The following MALAT1 variants were observed in gnomAD, a reference collection of about 807,000 sequenced individuals.
The protein encoded by MALAT1 is metastasis associated lung adenocarcinoma transcript 1.
exon 3 of MALAT1, chr11:65,501,935 G>A (rs1022635607): frequency 1.9e-6 from 1 of 517,786 alleles, no homozygotes; most frequent in South Asian, 1.4e-5. Flanking sequence ...TATGATTGCA[G>A]ATAAACTCAT....
At chr11:65,500,630 G>C in exon 3 of MALAT1, 1 of 518,950 alleles carries the variant, frequency 1.9e-6, no homozygotes, top group Non-Finnish European at 3.8e-6. Flanking sequence ...AGGAAGGAGC[G>C]AGTGCAATTT....
chr11:65,501,205 GC>G (rs1854538006), exon 3 of MALAT1: 1 of 501,834 alleles, frequency 2.0e-6, no homozygotes, highest in Non-Finnish European at 3.9e-6. Flanking sequence ...TGTAACTGAG[GC>G]GGGGGGGAGT....
exon 3 of MALAT1, chr11:65,499,171 T>A (rs747122588): frequency 2.0e-6 from 1 of 510,050 alleles, no homozygotes; most frequent in Non-Finnish European, 3.9e-6. Flanking sequence ...ATATAGTCAA[T>A]AGGTTACTAA....
exon 3 of MALAT1, chr11:65,503,294 C>T (rs1854597460): frequency 3.9e-6 from 2 of 518,014 alleles, no homozygotes; most frequent in African/African-American, 1.9e-5. Context: ...TCTCCTGACC[C>T]CTTCCCTAGG....
At chr11:65,501,096 A>T in exon 3 of MALAT1, 1 of 514,738 alleles carries the variant, frequency 1.9e-6, no homozygotes, top group Non-Finnish European at 3.9e-6. Context: ...AGCAGTTTGT[A>T]TGTTTAGTTG....
chr11:65,497,941 T>C (rs1187788959), intron 1 of MALAT1: 13 of 518,846 alleles, frequency 2.5e-5, no homozygotes, highest in Non-Finnish European at 5.0e-5. Context: ...TGTGCTGCTA[T>C]CTTAGCTGTC....
exon 3 of MALAT1, chr11:65,501,308 C>G (rs151201514): frequency 5.8e-6 from 3 of 518,314 alleles, no homozygotes; most frequent in East Asian, 1.1e-4. Context: ...GCAAATGACT[C>G]AAGGTGTAAC....
exon 3 of MALAT1, chr11:65,503,415 TTAAA>T (rs766858743): frequency 1.6e-5 from 8 of 515,788 alleles, no homozygotes; most frequent in South Asian, 5.7e-5. Flanking sequence ...ATTTGCATCT[TTAAA>T]TAATTTCTTA....
At chr11:65,505,825 T>G (rs1565057647) in intron 3 of MALAT1, 1 of 497,316 alleles carries the variant, frequency 2.0e-6, no homozygotes, top group East Asian at 5.5e-5. Context: ...AGTGGAGAAA[T>G]AACATGTTCA....
At chr11:65,504,743 C>T (rs1369208056) in intron 3 of MALAT1, 1 of 518,974 alleles carries the variant, frequency 1.9e-6, no homozygotes, top group African/African-American at 1.9e-5. Flanking sequence ...AATGTTTAAA[C>T]AGTTCAGTGA....
chr11:65,499,881 TGTC>T (rs1565676090), exon 3 of MALAT1: 1 of 430,148 alleles, frequency 2.3e-6, no homozygotes, highest in Non-Finnish European at 4.5e-6. Context: ...ATGAAAATAT[TGTC>T]AAGAGTTTCA....
intron 1 of MALAT1, chr11:65,498,120 C>G (rs760434688): frequency 6.7e-5 from 35 of 518,782 alleles, no homozygotes; most frequent in South Asian, 4.6e-4. Flanking sequence ...AACAAAAACC[C>G]CTAAAAAAGC....
At chr11:65,502,467 C>T (rs1854571828) in exon 3 of MALAT1, 3 of 497,428 alleles carry the variant, frequency 6.0e-6, no homozygotes, top group Non-Finnish European at 7.9e-6. Flanking sequence ...CATTGTTTAA[C>T]TGCAAAACAA....
At chr11:65,504,381 T>C (rs747110508) in intron 3 of MALAT1, 4 of 518,500 alleles carry the variant, frequency 7.7e-6, no homozygotes, top group South Asian at 5.6e-5. Flanking sequence ...TGTTGGCAAG[T>C]AAATGCAGTA....
exon 3 of MALAT1, chr11:65,502,587 A>T: frequency 2.1e-6 from 1 of 482,818 alleles, no homozygotes; most frequent in South Asian, 1.6e-5. Context: ...TGTCTCTTAG[A>T]GGGTGGGCTT....
At chr11:65,505,241 C>G in intron 3 of MALAT1, 1 of 518,204 alleles carries the variant, frequency 1.9e-6, no homozygotes. Flanking sequence ...TGGAGCCTTC[C>G]TGTGGCAGGA....
exon 3 of MALAT1, chr11:65,499,156 A>T (rs909712040): frequency 1.9e-6 from 1 of 512,880 alleles, no homozygotes; most frequent in East Asian, 5.4e-5. Context: ...ACAACTACTT[A>T]AAAAATATAG....
intron 3 of MALAT1, chr11:65,506,208 T>C (rs1475643430): frequency 4.4e-6 from 2 of 453,038 alleles, no homozygotes; most frequent in African/African-American, 2.1e-5. Flanking sequence ...TCAGGACTCT[T>C]TCTGTATTTC....
At chr11:65,500,809 C>G in exon 3 of MALAT1, 3 of 518,882 alleles carry the variant, frequency 5.8e-6, no homozygotes, top group South Asian at 4.2e-5. Context: ...CTGGAACTTA[C>G]TTATGGTAAC....
Sources: gnomAD v4.1 joint callset for allele counts on GRCh38, gnomAD v4.1.1 for gene constraint, MANE v1.5 for transcripts, NCBI Gene and HGNC (gene_info 2026-07-23, HGNC 2026-07-21) for gene names.